Variants in PLEKHM3 observed in about 807,000 individuals in gnomAD.
The protein encoded by PLEKHM3 is pleckstrin homology domain containing M3, also known as pleckstrin homology domain-containing family M member 3.
A neutral mutation model predicts 81.8 loss-of-function variants in PLEKHM3; 45 were observed. The observed-to-expected ratio is 0.55, with a 90% confidence interval of 0.43 to 0.71. PLEKHM3 has a LOEUF of 0.71. PLEKHM3 is among the 30% of genes least tolerant of loss of function. The pLI is 0.00. For synonymous variants in PLEKHM3, 352 were observed against 356.4 expected, an observed-to-expected ratio of 0.99 and a Z score of 0.14; for missense variants, 788 against 924.3, an observed-to-expected ratio of 0.85 and a Z score of 1.91.
intron 1 of PLEKHM3, among the ~76,000 whole-genome samples, chr2:208,005,483 G>A (rs1692465797): frequency 6.6e-6 from 1 of 152,060 alleles, no homozygotes; most frequent in African/African-American, 2.4e-5. Context: ...CCTCATTTTG[G>A]ACATGTCTGA....
chr2:207,968,784 T>G (rs1340509080), intron 3 of PLEKHM3, among the ~76,000 whole-genome samples: 1 of 152,220 alleles, frequency 6.6e-6, no homozygotes, highest in Non-Finnish European at 1.5e-5. Flanking sequence ...TACCTAGGGA[T>G]TTCTCCTCTG....
chr2:207,915,881 G>T (rs573994101), intron 5 of PLEKHM3, among the ~76,000 whole-genome samples: 2 of 152,238 alleles, frequency 1.3e-5, no homozygotes, highest in South Asian at 4.2e-4. Flanking sequence ...CTTTCCTTTG[G>T]AGAGCACATA....
At chr2:207,834,419 C>T (rs373184899) in intron 7 of PLEKHM3, among the ~76,000 whole-genome samples, 6 of 143,854 alleles carry the variant, frequency 4.2e-5, no homozygotes, top group Admixed American at 7.1e-5. Context: ...AGTGAGCCAC[C>T]GCGCCCAGCC....
At chr2:207,850,682 G>A (rs2092407447) in intron 7 of PLEKHM3, among the ~76,000 whole-genome samples, 1 of 152,110 alleles carries the variant, frequency 6.6e-6, no homozygotes, top group Admixed American at 6.5e-5. Context: ...AGAAGATTAG[G>A]GATGTGTAAA....
chr2:208,004,602 A>T (rs756241095), intron 1 of PLEKHM3, among the ~76,000 whole-genome samples: 1 of 152,066 alleles, frequency 6.6e-6, no homozygotes, highest in Admixed American at 6.6e-5. Context: ...CCCCACGAGC[A>T]CTTTCATGCT....
At chr2:208,013,831 C>T (rs1325811303) in intron 1 of PLEKHM3, among the ~76,000 whole-genome samples, 1 of 152,166 alleles carries the variant, frequency 6.6e-6, no homozygotes, top group Non-Finnish European at 1.5e-5. Context: ...AAAACTTTAA[C>T]CTTCAAAACA....
intron 5 of PLEKHM3, among the ~76,000 whole-genome samples, chr2:207,923,597 A>C (rs2105925719): frequency 6.6e-6 from 1 of 152,192 alleles, no homozygotes; most frequent in Middle Eastern, 3.4e-3. Context: ...ACAAGAGCGA[A>C]ACTCTGTCTC....
intron 6 of PLEKHM3, among the ~76,000 whole-genome samples, chr2:207,878,069 G>C (rs1360198451): frequency 6.6e-6 from 1 of 152,090 alleles, no homozygotes; most frequent in Non-Finnish European, 1.5e-5. Flanking sequence ...CTCCCTAGTA[G>C]CTGGGAATAC....
At chr2:207,933,967 C>T (rs764101397) in intron 4 of PLEKHM3, among the ~76,000 whole-genome samples, 8 of 152,108 alleles carry the variant, frequency 5.3e-5, no homozygotes, top group Non-Finnish European at 1.0e-4. Context: ...TTTGAGAGAA[C>T]TCAAAATCTG....
chr2:207,839,435 A>T (rs1325435575), intron 7 of PLEKHM3, among the ~76,000 whole-genome samples: 6 of 152,310 alleles, frequency 3.9e-5, no homozygotes, highest in East Asian at 3.9e-4. Context: ...TAAATTTAGG[A>T]GAAAGGCATT....
At chr2:207,862,277 C>A (rs977374025) in intron 6 of PLEKHM3, among the ~76,000 whole-genome samples, 2 of 152,160 alleles carry the variant, frequency 1.3e-5, no homozygotes, top group East Asian at 3.8e-4. Flanking sequence ...TTGGAAATAG[C>A]TAGAAATAGC....
In PLEKHM3 at chr2:207,979,004, A is replaced by G. The variant is rs543599315; in HGVS notation, c.611-1418T>C. On this transcript the variant is annotated intron_variant, in intron 2 of 7. Coordinates refer to ENST00000427836, the MANE Select transcript of PLEKHM3 (RefSeq NM_001080475.3). ...ATTCTTAGACCACAGAACATTGAAC[A>G]TTGCCTTGTACATAGTAGGTACTTA... Among the ~76,000 whole-genome samples, 89 of 152,206 alleles carry G rather than the reference A, an allele frequency of 5.8e-4. 1 individual carries two copies. The highest frequency in any genetic ancestry group is 1.1e-3 in the Non-Finnish European group (77 of 68,046).
At chr2:207,910,491 A>T (rs1014290626) in intron 5 of PLEKHM3, among the ~76,000 whole-genome samples, 1 of 152,212 alleles carries the variant, frequency 6.6e-6, no homozygotes, top group Non-Finnish European at 1.5e-5. Context: ...TTCATTTTAC[A>T]TAAGAGGAAA....
At chr2:207,892,066 T>C (rs191233845) in intron 6 of PLEKHM3, among the ~76,000 whole-genome samples, 2 of 152,282 alleles carry the variant, frequency 1.3e-5, no homozygotes, top group South Asian at 2.1e-4. Context: ...GAGGGGCTGG[T>C]GATTTCCTCC....
intron 5 of PLEKHM3, among the ~76,000 whole-genome samples, chr2:207,926,079 G>A (rs371139935): frequency 6.6e-6 from 1 of 152,136 alleles, no homozygotes; most frequent in East Asian, 1.9e-4. Context: ...GGCTGGAGAT[G>A]AGAAAAACAG....
chr2:207,971,346 A>G (rs1280452024), intron 3 of PLEKHM3, among the ~76,000 whole-genome samples: 1 of 152,240 alleles, frequency 6.6e-6, no homozygotes, highest in East Asian at 1.9e-4. Context: ...AATAAGTTCT[A>G]GTGTTCAATA....
chr2:207,863,855 AT>A lies in PLEKHM3; in HGVS notation c.1951-2594del, dbSNP rs370732097. ...AGAATAACTTTTCTATGAAAAAGAG[AT>A]AAATAAATATAATGGTGGTTAACTC... On this transcript the variant is annotated intron_variant, in intron 6 of 7. Transcript: ENST00000427836. Among the ~76,000 whole-genome samples, 273 of 152,124 alleles carry A rather than the reference AT, an allele frequency of 1.8e-3. 1 individual carries two copies. Among genetic ancestry groups the A allele is most frequent in the Middle Eastern group, 3.4e-3 (1 of 294 alleles).
chr2:207,922,149 A>ATTTTCTATCTTT (rs1196738988), intron 5 of PLEKHM3, among the ~76,000 whole-genome samples: 1 of 151,932 alleles, frequency 6.6e-6, no homozygotes, highest in Non-Finnish European at 1.5e-5. Flanking sequence ...GGTGGTTGTT[A>ATTTTCTATCTTT]TTTTCTATCT....
At chr2:207,893,770 T>C (rs1301733102) in intron 6 of PLEKHM3, among the ~76,000 whole-genome samples, 1 of 152,128 alleles carries the variant, frequency 6.6e-6, no homozygotes, top group Non-Finnish European at 1.5e-5. Context: ...AGGTCAGTCA[T>C]AGCTACAGAT....
Sources: gnomAD v4.1 joint callset for allele counts (sites outside exome capture counted in the v4.1 genomes callset) on GRCh38, gnomAD v4.1.1 for gene constraint, MANE v1.5 for transcripts, NCBI Gene and HGNC (gene_info 2026-07-23, HGNC 2026-07-21) for gene names.